Variants in SLX4IP observed in about 807,000 individuals in gnomAD.
SLX4IP encodes the protein protein SLX4IP.
Under a neutral mutation model 32.9 loss-of-function variants are expected in SLX4IP, and 34 were observed. That is an observed-to-expected ratio of 1.03 (90% CI 0.79 to 1.38). The LOEUF (loss-of-function observed/expected upper bound fraction) is 1.38. SLX4IP is among the 40% of genes most tolerant of loss of function. The pLI, the probability that SLX4IP is intolerant of heterozygous loss-of-function variation, is 0.00. For missense variants in SLX4IP, 444 were observed against 479.0 expected, an observed-to-expected ratio of 0.93 and a Z score of 0.68; for synonymous variants, 172 against 171.7, an observed-to-expected ratio of 1.00 and a Z score of -0.01.
chr20:10,490,276 G>C (rs1314789698), intron 2 of SLX4IP, among the ~76,000 whole-genome samples: 1 of 151,546 alleles, frequency 6.6e-6, no homozygotes, highest in African/African-American at 2.4e-5. Context: ...TTTTGTTTAT[G>C]AATAAAATAT....
At chr20:10,452,674 A>ATATATATATATATATATATAT (rs201507537) in intron 1 of SLX4IP, among the ~76,000 whole-genome samples, 4 of 93,774 alleles carry the variant, frequency 4.3e-5, no homozygotes, top group African/African-American at 1.7e-4. Context: ...CAAAAAAAAA[A>ATATATATATATATATATATAT]AAAAAAATAT....
chr20:10,531,532 GT>G (rs2065989340), intron 2 of SLX4IP, among the ~76,000 whole-genome samples: 2 of 152,176 alleles, frequency 1.3e-5, no homozygotes, highest in Non-Finnish European at 2.9e-5. Flanking sequence ...GCCAGGAATG[GT>G]TCTCAGCTGT....
intron 2 of SLX4IP, among the ~76,000 whole-genome samples, chr20:10,470,170 T>A (rs775042989): frequency 2.6e-5 from 4 of 152,178 alleles, no homozygotes; most frequent in Non-Finnish European, 5.9e-5. Flanking sequence ...AAGAAATCCT[T>A]GAAGTCATAG....
chr20:10,575,870 A>C (rs2066517881), intron 4 of SLX4IP, among the ~76,000 whole-genome samples: 1 of 152,134 alleles, frequency 6.6e-6, no homozygotes, highest in Admixed American at 6.5e-5. Context: ...GGAAGGAGAA[A>C]ATGGATACTA....
At chr20:10,585,826 G>C (rs891657214) in intron 4 of SLX4IP, among the ~76,000 whole-genome samples, 1 of 151,906 alleles carries the variant, frequency 6.6e-6, no homozygotes, top group Non-Finnish European at 1.5e-5. Flanking sequence ...CCTAACCTCA[G>C]GTGATCCACC....
chr20:10,447,964 CA>C (rs1168756215), intron 1 of SLX4IP, among the ~76,000 whole-genome samples: 1 of 151,660 alleles, frequency 6.6e-6, no homozygotes, highest in Non-Finnish European at 1.5e-5. Flanking sequence ...CTCAGCCTCC[CA>C]AAGTCCTGAG....
intron 4 of SLX4IP, among the ~76,000 whole-genome samples, chr20:10,570,731 G>A (rs1187769489): frequency 6.6e-6 from 1 of 152,092 alleles, no homozygotes; most frequent in Non-Finnish European, 1.5e-5. Flanking sequence ...TTTTCGCCAT[G>A]TTGGTCAGGC....
rs181352856 is a variant in SLX4IP, at chr20:10,574,259, C to T, written c.238+13439C>T. ...CAAAAAAACGTGATGTACAAATCTTCCAGAAAGGTTAGAATTGTTTTGACC... is the reference window on the plus strand; with the variant it reads ...CAAAAAAACGTGATGTACAAATCTTTCAGAAAGGTTAGAATTGTTTTGACC... On this transcript the variant is annotated intron_variant, in intron 4 of 7. Transcript: ENST00000334534. Among the ~76,000 whole-genome samples the T allele has an allele frequency of 4.0e-4, 61 of 152,256 alleles. No individual in the cohort carries two copies. The East Asian group carries it at 0.01, about 26-fold the overall frequency.
chr20:10,519,681 T>G (rs1037812274), intron 2 of SLX4IP, among the ~76,000 whole-genome samples: 1 of 152,358 alleles, frequency 6.6e-6, no homozygotes, highest in East Asian at 1.9e-4. Flanking sequence ...GCTATGCATG[T>G]TTGTGTAAAA....
At position 10,608,427 on chromosome 20, in the gene SLX4IP, A is replaced by T. The variant is rs546545067; in HGVS notation, c.405+6608A>T. Among the ~76,000 whole-genome samples, 4 of 152,228 alleles carry T rather than the reference A, an allele frequency of 2.6e-5. No individual in the cohort carries two copies. The South Asian group carries it at 6.2e-4, about 24-fold the overall frequency. On this transcript the variant is annotated intron_variant, in intron 6 of 7. Coordinates refer to ENST00000334534, the MANE Select transcript of SLX4IP (RefSeq NM_001009608.3). ...ATGCCTGTAATCCCAGCACTTTGGG[A>T]GGCCGAGGCGGGCGGATCACGAGGT... is the stretch of plus-strand genomic sequence containing the variant.
At chr20:10,534,719 C>A (rs1210184128) in intron 2 of SLX4IP, among the ~76,000 whole-genome samples, 1 of 152,110 alleles carries the variant, frequency 6.6e-6, no homozygotes, top group Non-Finnish European at 1.5e-5. Flanking sequence ...AGGGCTGGAG[C>A]AGAGCACAGG....
chr20:10,486,980 G>A (rs1217115164), intron 2 of SLX4IP, among the ~76,000 whole-genome samples: 4 of 149,542 alleles, frequency 2.7e-5, no homozygotes, highest in South Asian at 2.1e-4. Flanking sequence ...TTGTTCATTT[G>A]ATCAATTGAT....
intron 4 of SLX4IP, among the ~76,000 whole-genome samples, chr20:10,570,304 G>C (rs1870708115): frequency 6.6e-6 from 1 of 152,110 alleles, no homozygotes. Flanking sequence ...TTACTCCCTG[G>C]GGGACATCCC....
intron 2 of SLX4IP, among the ~76,000 whole-genome samples, chr20:10,525,339 G>T (rs2065932491): frequency 6.6e-6 from 1 of 152,050 alleles, no homozygotes; most frequent in Non-Finnish European, 1.5e-5. Context: ...CAATTTTGAT[G>T]TTATATATTG....
intron 2 of SLX4IP, among the ~76,000 whole-genome samples, chr20:10,477,719 C>T (rs2065487359): frequency 6.6e-6 from 1 of 152,156 alleles, no homozygotes; most frequent in African/African-American, 2.4e-5. Flanking sequence ...CAATGCCTGG[C>T]AACTGGTAAG....
rs560547887 is a variant in SLX4IP at position 10,594,682 on chromosome 20, A to G, written c.239-3993A>G. 9.2e-5 allele frequency among the ~76,000 whole-genome samples: 14 copies of G among 152,334 alleles called. No homozygotes were observed. In the South Asian group the frequency reaches 1.0e-3, roughly 11 times the overall value. ...CCATTACTCATTGGAACATGGTACTACTTGAAACTAATCTACTGCCTTGCT... is the reference window on the plus strand; with the variant it reads ...CCATTACTCATTGGAACATGGTACTGCTTGAAACTAATCTACTGCCTTGCT... On this transcript the variant is annotated intron_variant, in intron 4 of 7. Transcript: ENST00000334534.
intron 4 of SLX4IP, among the ~76,000 whole-genome samples, chr20:10,564,220 C>A (rs958677630): frequency 6.6e-6 from 1 of 152,174 alleles, no homozygotes; most frequent in African/African-American, 2.4e-5. Context: ...GTGCCAAAAA[C>A]ATCTCTCTAT....
chr20:10,444,023 A>G (rs149365367), intron 1 of SLX4IP, among the ~76,000 whole-genome samples: 65 of 152,310 alleles, frequency 4.3e-4, no homozygotes, highest in Non-Finnish European at 8.5e-4. Flanking sequence ...AGTCTCAGGT[A>G]GTTCTTTATA....
chr20:10,569,918 A>G (rs1239015673), intron 4 of SLX4IP, among the ~76,000 whole-genome samples: 1 of 152,246 alleles, frequency 6.6e-6, no homozygotes, highest in Non-Finnish European at 1.5e-5. Context: ...ATCTCCAAAT[A>G]TAGTCACATC....
Sources: allele counts gnomAD v4.1 joint callset (sites outside exome capture counted in the v4.1 genomes callset), GRCh38; gene constraint gnomAD v4.1.1; transcripts MANE v1.5; gene names NCBI Gene and HGNC (gene_info 2026-07-23, HGNC 2026-07-21).